The following POLQ variants were observed in gnomAD, a reference collection of about 807,000 sequenced individuals.
POLQ encodes the protein DNA polymerase theta.
Under a neutral mutation model 259.2 loss-of-function variants are expected in POLQ, and 233 were observed. That is an observed-to-expected ratio of 0.90 (90% CI 0.81 to 1.00). The LOEUF (loss-of-function observed/expected upper bound fraction) is 1.00. POLQ is among the 50% of genes least tolerant of loss of function. POLQ has a pLI of 0.00. For missense variants in POLQ, 2,871 were observed against 3,051.6 expected (o/e 0.94, Z 1.39); for synonymous variants, 1,025 against 1,048.8 (o/e 0.98, Z 0.44).
chr3:121,522,652 G>A (rs2048345845), intron 7 of POLQ, among the ~76,000 whole-genome samples: 1 of 152,120 alleles, frequency 6.6e-6, no homozygotes, highest in South Asian at 2.1e-4. Flanking sequence ...CTTAATCCTG[G>A]ACATTGTTAT....
intron 9 of POLQ, among the ~76,000 whole-genome samples, chr3:121,513,488 G>A (rs1237933785): frequency 4.0e-5 from 6 of 149,094 alleles, no homozygotes; most frequent in Non-Finnish European, 8.9e-5. Flanking sequence ...TGTAGTCCCA[G>A]CTACTCAGGA....
intron 4 of POLQ, among the ~76,000 whole-genome samples, chr3:121,538,586 A>C (rs978747686): frequency 9.3e-5 from 12 of 128,710 alleles, no homozygotes; most frequent in African/African-American, 3.1e-4. Context: ...TTCATTCACC[A>C]AAAAAAAAAA....
At chr3:121,537,299 C>T in intron 4 of POLQ, 91 bp from the exon 5 acceptor site, 3 of 731,754 alleles carry the variant, frequency 4.1e-6, no homozygotes, top group Non-Finnish European at 4.9e-6. Flanking sequence ...ATTTAATTTC[C>T]TTTATATCAA....
chr3:121,444,985 T>A (rs2047621098), intron 26 of POLQ, among the ~76,000 whole-genome samples: 1 of 152,200 alleles, frequency 6.6e-6, no homozygotes, highest in African/African-American at 2.4e-5. Context: ...TAATATATTG[T>A]TGAATTCCAT....
At chr3:121,456,442 T>C (rs957645246) in intron 25 of POLQ, among the ~76,000 whole-genome samples, 1 of 152,144 alleles carries the variant, frequency 6.6e-6, no homozygotes, top group Non-Finnish European at 1.5e-5. Flanking sequence ...GAAGTCAAAT[T>C]GTCCCTGTTT....
Position 121,488,555 on chromosome 3 carries a change from A to C in POLQ, c.4376T>G (p.Ile1459Arg). 6.2e-7 allele frequency: 1 copy of C among 1,611,964 alleles called. No individual in the cohort carries two copies. The highest frequency in any genetic ancestry group is 8.5e-7 in the Non-Finnish European group (1 of 1,179,446). The change falls in exon 16 of 30, where the codon ATA (isoleucine) becomes AGA (arginine). Residue 1459 changes from isoleucine to arginine, a missense_variant. Transcript: ENST00000264233. ...AGTTCTCTTTTGAGGAATCAGAAGT[A>C]TAACTGGTTTCACAGTTTCTTGTGT... The part of the protein sequence containing the change: ...YQTQETVKPV[I>R]LLIPQKRTPT...
At chr3:121,534,931 AAT>A (rs1337147921) in intron 5 of POLQ, among the ~76,000 whole-genome samples, 1 of 152,232 alleles carries the variant, frequency 6.6e-6, no homozygotes, top group African/African-American at 2.4e-5. Context: ...AATCCATTAA[AAT>A]ATGTTAAGAC....
chr3:121,449,356 T>C lies in POLQ; in HGVS notation c.7223A>G (p.Asp2408Gly). The C allele has an allele frequency of 6.2e-7, 1 of 1,601,344 alleles. No homozygotes were observed. The highest frequency in any genetic ancestry group is 1.1e-5 in the South Asian group (1 of 90,832). ...GAAGGAGTCAATATAGCATGCAGCA[T>C]CATTTTCTTTAATGCCCATCTGCTC... ...LGEQMGIKEN[D>G]AACYIDSFKS... The change falls in exon 26 of 30, where the codon GAT becomes GGT. Residue 2408 changes from aspartate (D) to glycine (G), a missense_variant. Physicochemically the swap from Asp to Gly is moderately conservative, Grantham distance 94 (BLOSUM62 -1). Transcript: ENST00000264233.
At chr3:121,457,995 A>T (rs1560089066) in intron 25 of POLQ, among the ~76,000 whole-genome samples, 2 of 152,244 alleles carry the variant, frequency 1.3e-5, no homozygotes, top group South Asian at 2.1e-4. Flanking sequence ...CAAATGTCCA[A>T]CAATGATAGA....
chr3:121,524,511 T>C (rs1175669759), intron 7 of POLQ, among the ~76,000 whole-genome samples: 2 of 151,980 alleles, frequency 1.3e-5, no homozygotes, highest in South Asian at 2.1e-4. Context: ...TTATAGCCAT[T>C]AGTATATACT....
rs201582619 is a variant in POLQ, at chr3:121,494,237, G to A, written c.2279-516C>T. The A allele has an allele frequency of 1.1e-3, 1,708 of 1,578,598 alleles. 2 individuals are homozygous for A. The highest frequency in any genetic ancestry group is 1.4e-3 in the Non-Finnish European group (1,580 of 1,163,782). The stretch of plus-strand genomic sequence containing the variant: ...GCCTAAGAATTTTGGCACTGGACAG[G>A]ACATCCAGCCCAAAAGAGACCTCAC... On this transcript the variant is annotated intron_variant, in intron 14 of 29. Coordinates refer to ENST00000264233, the MANE Select transcript of POLQ (RefSeq NM_199420.4).
rs1192843207 is a variant in POLQ at position 121,455,962 on chromosome 3, A to C, written c.7152+4088T>G. 3.9e-5 allele frequency among the ~76,000 whole-genome samples: 6 copies of C among 152,234 alleles called. No homozygotes were observed. In the East Asian group the frequency reaches 9.6e-4, roughly 24 times the overall value. ...AATTTTAGTCCAAAGTCCTTGATGA[A>C]CATTGATGCAAAAATCCTCAATAAA... On this transcript the variant is annotated intron_variant, in intron 25 of 29. Transcript: ENST00000264233.
Position 121,493,483 on chromosome 3 carries a change from G to A in POLQ, c.2517C>T (p.Phe839=). The change falls in exon 15 of 30, where the codon TTC becomes TTT. Residue 839 remains phenylalanine (F), a synonymous_variant. Transcript: ENST00000264233. ...VEVILKNAVP[F]KSARKAVDEE... The stretch of plus-strand genomic sequence containing the variant: ...AGGTAAAGGTATTTTCTTACCTTTT[G>A]AAAGGCACAGCATTTTTCAGAATCA... 3.7e-6 allele frequency: 6 copies of A among 1,610,038 alleles called. No homozygotes were observed. The highest frequency in any genetic ancestry group is 5.1e-6 in the Non-Finnish European group (6 of 1,177,526).
At chr3:121,465,138 G>A (rs1361041965) in intron 24 of POLQ, among the ~76,000 whole-genome samples, 3 of 150,352 alleles carry the variant, frequency 2.0e-5, no homozygotes, top group Non-Finnish European at 3.0e-5. Context: ...CTAGGCTGGA[G>A]TGCAGTGGCA....
rs777885521 is a variant in POLQ at position 121,487,629 on chromosome 3, G to T, written c.5302C>A (p.Pro1768Thr). 2.5e-6 allele frequency: 4 copies of T among 1,613,558 alleles called. No homozygotes were observed. Among genetic ancestry groups the T allele is most frequent in the African/African-American group, 1.3e-5 (1 of 74,870 alleles). Residue 1768 changes from proline (P) to threonine (T), a missense_variant, in exon 16 of 30, where the codon CCT becomes ACT. By Grantham distance (38) the Pro-to-Thr change is conservative. Transcript: ENST00000264233. ...NPWKTNNVLQ[P>T]GESYLFGSPS... ...GAGCCAAATAAATAACTTTCACCAGGTTGTAAAACATTATTAGTTTTCCAA... is the reference window on the plus strand; with the variant it reads ...GAGCCAAATAAATAACTTTCACCAGTTTGTAAAACATTATTAGTTTTCCAA...
chr3:121,483,321 G>T, intron 18 of POLQ, 65 bp downstream of exon 18: 1 of 864,574 alleles, frequency 1.2e-6, no homozygotes, highest in Non-Finnish European at 1.7e-6. Flanking sequence ...TAAATACCAA[G>T]TCATTTAAGA....
chr3:121,493,794 T>A (rs926815276), intron 14 of POLQ, 73 bp from the exon 15 acceptor site: 6 of 1,400,396 alleles, frequency 4.3e-6, no homozygotes, highest in Non-Finnish European at 5.8e-6. Flanking sequence ...TTAGATGTAT[T>A]TATATTTTCT....
At chr3:121,452,435 T>C (rs149246173) in intron 25 of POLQ, among the ~76,000 whole-genome samples, 73 of 152,208 alleles carry the variant, frequency 4.8e-4, no homozygotes, top group African/African-American at 1.7e-3. Flanking sequence ...CGCCACGTTT[T>C]TTAATGCCTT....
In POLQ at chr3:121,522,081, G is replaced by C; in HGVS notation, c.1177C>G (p.Gln393Glu). The C allele has an allele frequency of 1.2e-6, 2 of 1,610,316 alleles. No individual in the cohort carries two copies. Among genetic ancestry groups the C allele is most frequent in the Non-Finnish European group, 1.7e-6 (2 of 1,177,598 alleles). The change falls in exon 8 of 30, where the codon CAG becomes GAG. Residue 393 changes from glutamine (Q) to glutamate (E), a missense_variant. Around this residue, in one of 3 missense-constraint regions of POLQ, gnomAD observed 783 missense variants for 906.2 expected, o/e 0.86. Transcript: ENST00000264233. The stretch of plus-strand genomic sequence containing the variant: ...AGTCCTGAAGGCAAACGTCTTAACT[G>C]ATCCATCACTTCCAGGAGTTCTTTT... ...EQKELLEVMD[Q>E]LRRLPSGLDS... is the part of the protein sequence containing the mutation.
Sources: gnomAD v4.1 joint callset for allele counts (sites outside exome capture counted in the v4.1 genomes callset) on GRCh38, gnomAD v4.1.1 for gene constraint, gnomAD v4.1.1 regional missense constraint, MANE v1.5 for transcripts, NCBI Gene and HGNC (gene_info 2026-07-23, HGNC 2026-07-21) for gene names.